The following SORCS3 variants were observed in gnomAD, a reference collection of about 807,000 sequenced individuals.
SORCS3 encodes the protein sortilin related VPS10 domain containing receptor 3, also known as VPS10 domain-containing receptor SorCS3.
Under a neutral mutation model 146.3 loss-of-function variants are expected in SORCS3, and 57 were observed. The observed-to-expected ratio is 0.39, with a 90% CI of 0.31 to 0.49. The LOEUF (loss-of-function observed/expected upper bound fraction) is 0.49. Among genes scored for constraint, SORCS3 ranks in the 20% least tolerant of loss-of-function variants. SORCS3 has a pLI of 0.92. For synonymous variants in SORCS3, 653 were observed against 618.5 expected, an observed-to-expected ratio of 1.06 and a Z score of -0.83; for missense variants, 1,341 against 1,575.5, an observed-to-expected ratio of 0.85 and a Z score of 2.52.
chr10:105,214,343 T>C, intron 17 of SORCS3, 99 bp from the exon 18 acceptor site: 1 of 1,361,072 alleles, frequency 7.3e-7, no homozygotes, highest in Non-Finnish European at 1.0e-6. Context: ...GTTTTGCTCT[T>C]GCTCTCTTAC....
At chr10:104,818,360 T>C (rs11597942) in intron 1 of SORCS3, among the ~76,000 whole-genome samples, 2,406 of 139,788 alleles carry the variant, frequency 0.017, 113 homozygotes, top group Middle Eastern at 0.026. Context: ...TCTTCTCCTT[T>C]CTTCCTTCCT....
chr10:104,712,682 C>T (rs1175293118), intron 1 of SORCS3, among the ~76,000 whole-genome samples: 1 of 152,174 alleles, frequency 6.6e-6, no homozygotes, highest in Non-Finnish European at 1.5e-5. Context: ...AGTAAGTGTT[C>T]CTCTTGCTGA....
At chr10:104,909,601 C>G (rs969357938) in intron 2 of SORCS3, among the ~76,000 whole-genome samples, 1 of 151,810 alleles carries the variant, frequency 6.6e-6, no homozygotes, top group Non-Finnish European at 1.5e-5. Context: ...GTGGTAAACA[C>G]CAGAAGAAGG....
At chr10:105,246,985 C>T (rs1312880536) in intron 21 of SORCS3, among the ~76,000 whole-genome samples, 1 of 152,194 alleles carries the variant, frequency 6.6e-6, no homozygotes, top group East Asian at 1.9e-4. Flanking sequence ...GGAAGAAAGG[C>T]TTAAGATCTT....
At chr10:105,034,971 T>G in intron 4 of SORCS3, among the ~76,000 whole-genome samples, 1 of 152,218 alleles carries the variant, frequency 6.6e-6, no homozygotes, top group Admixed American at 6.5e-5. Flanking sequence ...GTAGTCACCC[T>G]GCACAAAACA....
At chr10:104,938,410 A>G (rs759143390) in intron 3 of SORCS3, among the ~76,000 whole-genome samples, 3 of 152,182 alleles carry the variant, frequency 2.0e-5, no homozygotes, top group African/African-American at 7.2e-5. Flanking sequence ...ATGGGGTTAA[A>G]GCTCCTTCGT....
intron 14 of SORCS3, among the ~76,000 whole-genome samples, chr10:105,192,550 G>A (rs187612795): frequency 3.0e-4 from 46 of 152,236 alleles, no homozygotes; most frequent in Non-Finnish European, 4.4e-4. Context: ...AAGAACTCGA[G>A]TTGCAGGCAC....
rs916077689 is a variant in SORCS3, at chr10:104,733,637, C to T, written c.627+91683C>T. On this transcript the variant is annotated intron_variant, in intron 1 of 26. Coordinates refer to ENST00000369701, the MANE Select transcript of SORCS3 (RefSeq NM_014978.3). ...GTTTAAGAAATACGGAGATCAGAGACTTGCCTTCAAAGTGATCCCTATAGT... is the reference window on the plus strand; with the variant it reads ...GTTTAAGAAATACGGAGATCAGAGATTTGCCTTCAAAGTGATCCCTATAGT... Among the ~76,000 whole-genome samples, 3 of 151,112 alleles carry T rather than the reference C, an allele frequency of 2.0e-5. No individual in the cohort carries two copies. The East Asian group carries it at 5.9e-4, about 30-fold the overall frequency.
intron 2 of SORCS3, among the ~76,000 whole-genome samples, chr10:104,874,430 G>A (rs1451483821): frequency 6.6e-6 from 1 of 151,920 alleles, no homozygotes; most frequent in Non-Finnish European, 1.5e-5. Flanking sequence ...CATCTTATAG[G>A]CCTTATTGCC....
chr10:105,036,306 T>C (rs2055305656), intron 4 of SORCS3, among the ~76,000 whole-genome samples: 1 of 152,198 alleles, frequency 6.6e-6, no homozygotes, highest in South Asian at 2.1e-4. Flanking sequence ...AGTGGTCTTC[T>C]ACCTCCGTTG....
chr10:104,761,351 A>G (rs1393859057), intron 1 of SORCS3, among the ~76,000 whole-genome samples: 3 of 152,054 alleles, frequency 2.0e-5, no homozygotes, highest in African/African-American at 7.2e-5. Context: ...CTCGCTCCAG[A>G]TACAGGAATG....
At chr10:104,939,662 C>A (rs1054831939) in intron 3 of SORCS3, among the ~76,000 whole-genome samples, 4 of 152,132 alleles carry the variant, frequency 2.6e-5, no homozygotes, top group Non-Finnish European at 5.9e-5. Flanking sequence ...AGTAACTGCC[C>A]TCACCAAAAA....
At chr10:104,649,382 T>G (rs1170219935) in intron 1 of SORCS3, among the ~76,000 whole-genome samples, 1 of 152,360 alleles carries the variant, frequency 6.6e-6, no homozygotes, top group Non-Finnish European at 1.5e-5. Flanking sequence ...TAAGTGAGAC[T>G]GTACAGGGCA....
rs148030018 is a variant in SORCS3, at chr10:104,784,455, C to G, written c.628-58337C>G. 4.0e-3 allele frequency among the ~76,000 whole-genome samples: 605 copies of G among 152,356 alleles called. 4 individuals carry two copies. The highest frequency in any genetic ancestry group is 0.013 in the African/African-American group (553 of 41,600). On this transcript the variant is annotated intron_variant, in intron 1 of 26. Transcript: ENST00000369701. Reference sequence around the variant, plus strand: ...GTACAAGGTGTGTTTTCAAACATCCCTTGAGCCATTTGTAACAGCCCTTCA... The same window carrying G: ...GTACAAGGTGTGTTTTCAAACATCCGTTGAGCCATTTGTAACAGCCCTTCA...
At chr10:104,657,046 G>C (rs771449040) in intron 1 of SORCS3, among the ~76,000 whole-genome samples, 1 of 152,318 alleles carries the variant, frequency 6.6e-6, no homozygotes, top group South Asian at 2.1e-4. Flanking sequence ...TTGGCCAATA[G>C]AGAGTTGGAA....
intron 4 of SORCS3, among the ~76,000 whole-genome samples, chr10:105,009,051 G>A (rs538728498): frequency 6.4e-4 from 97 of 152,258 alleles, no homozygotes; most frequent in Middle Eastern, 3.4e-3. Context: ...GATCTAACGC[G>A]TAGTTATTGA....
In SORCS3 at chr10:104,913,766, C is replaced by CTT. The variant is rs35484660; in HGVS notation, c.696-2046_696-2045dup. ...CTCATGAGACTAAATTATCCCCATT[C>CTT]TTTTTTTTTTTTTTTTTTTTTTCCG... On this transcript the variant is annotated intron_variant, in intron 2 of 26. Transcript: ENST00000369701. Among the ~76,000 whole-genome samples the CTT allele has an allele frequency of 4.6e-3, 492 of 106,398 alleles. 10 individuals are homozygous for CTT. The highest frequency in any genetic ancestry group is 0.011 in the African/African-American group (299 of 26,364). The allele number at this position is 106,398 out of a possible 152,430, so 69.8% of individuals were successfully genotyped here.
chr10:105,159,408 T>C (rs901568874), intron 11 of SORCS3, among the ~76,000 whole-genome samples: 1 of 152,218 alleles, frequency 6.6e-6, no homozygotes, highest in African/African-American at 2.4e-5. Flanking sequence ...ATCCCAGAGC[T>C]GTTTTTAATC....
At chr10:104,674,428 G>T (rs1014554237) in intron 1 of SORCS3, among the ~76,000 whole-genome samples, 1 of 152,166 alleles carries the variant, frequency 6.6e-6, no homozygotes, top group Non-Finnish European at 1.5e-5. Context: ...GTGGTCTCTG[G>T]CTCTCCTCAT....
Sources: gnomAD v4.1 joint callset for allele counts (sites outside exome capture counted in the v4.1 genomes callset) on GRCh38, gnomAD v4.1.1 for gene constraint, MANE v1.5 for transcripts, NCBI Gene and HGNC (gene_info 2026-07-23, HGNC 2026-07-21) for gene names.